The following DTWD2 variants were observed in gnomAD, a reference collection of about 807,000 sequenced individuals.
DTWD2 encodes tRNA-uridine aminocarboxypropyltransferase 2.
Under a neutral mutation model 31.8 loss-of-function variants are expected in DTWD2, and 39 were observed. The observed-to-expected ratio is 1.22, with a 90% confidence interval of 0.95 to 1.60. The LOEUF (loss-of-function observed/expected upper bound fraction) is 1.60. Ranked by LOEUF, DTWD2 falls within the 40% of genes most tolerant of loss-of-function variation. DTWD2 has a pLI of 0.00. For synonymous variants in DTWD2, 180 were observed against 142.8 expected (o/e 1.26, Z -1.86); for missense variants, 515 against 381.5 (o/e 1.35, Z -2.92).
chr5:118,940,646 A>G (rs1004569801), intron 2 of DTWD2, among the ~76,000 whole-genome samples: 8 of 152,182 alleles, frequency 5.3e-5, no homozygotes, highest in African/African-American at 1.7e-4. Context: ...GTACAATACA[A>G]AGAGAGAGAG....
intron 1 of DTWD2, among the ~76,000 whole-genome samples, chr5:118,958,336 T>A (rs895008000): frequency 6.6e-6 from 1 of 151,948 alleles, no homozygotes; most frequent in African/African-American, 2.4e-5. Flanking sequence ...CAGGTGCCTG[T>A]AGTCCCAGCT....
intron 5 of DTWD2, among the ~76,000 whole-genome samples, chr5:118,843,371 G>GAGGAAGGGAGGAAGGAAGGAAGGA (rs754423234): frequency 0.16 from 22,368 of 143,148 alleles, 1,794 homozygotes; most frequent in Non-Finnish European, 0.19. Flanking sequence ...GGGAGGAAGG[G>GAGGAAGGGAGGAAGGAAGGAAGGA]AGGAAGGAAG....
chr5:118,932,213 C>T (rs1256402379), intron 3 of DTWD2, among the ~76,000 whole-genome samples: 2 of 151,380 alleles, frequency 1.3e-5, no homozygotes, highest in Admixed American at 6.6e-5. Context: ...TAGATAGGGC[C>T]ATGCATTGTG....
rs1429506295 is a variant in DTWD2 at position 118,841,203 on chromosome 5, A to C, written c.727-116T>G. ...TTTCTTTTATTATGATTGGCTTTTA[A>C]CTATGAGAAACACTAGGCACTCTGA... On this transcript the variant is annotated intron_variant, in intron 5 of 5. Transcript: ENST00000510708. The C allele has an allele frequency of 8.1e-6, 9 of 1,111,936 alleles. No homozygotes were observed. The East Asian group carries it at 2.4e-4, about 29-fold the overall frequency. 68.9% of individuals were successfully genotyped at this position (1,111,936 alleles called of 1,614,324 possible).
intron 4 of DTWD2, among the ~76,000 whole-genome samples, chr5:118,898,376 G>A (rs1160659758): frequency 6.6e-6 from 1 of 151,842 alleles, no homozygotes; most frequent in African/African-American, 2.4e-5. Flanking sequence ...TAAATTTTAT[G>A]GCCGAGCACA....
intron 4 of DTWD2, among the ~76,000 whole-genome samples, chr5:118,851,218 CAAAAAAA>C (rs35541408): frequency 2.4e-5 from 2 of 81,968 alleles, no homozygotes; most frequent in South Asian, 4.0e-4. Flanking sequence ...GACCCTATCT[CAAAAAAA>C]AAAAAAAAAA....
At chr5:118,959,536 T>C (rs1754662058) in intron 1 of DTWD2, among the ~76,000 whole-genome samples, 1 of 152,184 alleles carries the variant, frequency 6.6e-6, no homozygotes. Flanking sequence ...CAAAGCAATG[T>C]ACAGATTCAA....
chr5:118,873,738 C>G (rs568355818), intron 4 of DTWD2, among the ~76,000 whole-genome samples: 3 of 152,284 alleles, frequency 2.0e-5, no homozygotes, highest in East Asian at 3.9e-4. Flanking sequence ...AACAAGGAAT[C>G]CTCCCACAAC....
intron 4 of DTWD2, among the ~76,000 whole-genome samples, chr5:118,900,591 C>G (rs1182678149): frequency 6.6e-6 from 1 of 152,102 alleles, no homozygotes; most frequent in Non-Finnish European, 1.5e-5. Context: ...GACTGGATAA[C>G]AGAGCTAATA....
chr5:118,886,552 G>T (rs1752872587), intron 4 of DTWD2, among the ~76,000 whole-genome samples: 1 of 152,196 alleles, frequency 6.6e-6, no homozygotes, highest in Non-Finnish European at 1.5e-5. Context: ...TACAGGGAAT[G>T]GCAGGTAAAG....
chr5:118,886,610 A>T (rs1330341613), intron 4 of DTWD2, among the ~76,000 whole-genome samples: 3 of 152,224 alleles, frequency 2.0e-5, no homozygotes, highest in Non-Finnish European at 4.4e-5. Flanking sequence ...TACAGAGTCT[A>T]TTATTAATGA....
chr5:118,969,283 AAGG>A (rs1302351770), intron 1 of DTWD2, among the ~76,000 whole-genome samples: 10 of 152,124 alleles, frequency 6.6e-5, no homozygotes, highest in Non-Finnish European at 1.3e-4. Context: ...CAGTCTGTAC[AAGG>A]AGGATTCCCC....
intron 4 of DTWD2, among the ~76,000 whole-genome samples, chr5:118,896,583 A>G (rs984176017): frequency 1.3e-5 from 2 of 152,230 alleles, no homozygotes; most frequent in Non-Finnish European, 2.9e-5. Flanking sequence ...AGAATGAAAA[A>G]TAAATTCCTT....
chr5:118,916,417 G>A (rs1753578432), intron 4 of DTWD2, among the ~76,000 whole-genome samples: 1 of 152,146 alleles, frequency 6.6e-6, no homozygotes. Flanking sequence ...TGTGATCCCA[G>A]CACTTTGGGA....
At chr5:118,884,171 T>C (rs893049490) in intron 4 of DTWD2, among the ~76,000 whole-genome samples, 1 of 152,216 alleles carries the variant, frequency 6.6e-6, no homozygotes. Context: ...TTGAGAGTAA[T>C]GTATACTTCT....
At chr5:118,889,339 G>C (rs1400744248) in intron 4 of DTWD2, among the ~76,000 whole-genome samples, 1 of 151,948 alleles carries the variant, frequency 6.6e-6, no homozygotes, top group Non-Finnish European at 1.5e-5. Context: ...AAATAAACTG[G>C]AAAAACAAAT....
intron 1 of DTWD2, among the ~76,000 whole-genome samples, chr5:118,956,478 T>G (rs970348505): frequency 3.3e-5 from 5 of 152,212 alleles, no homozygotes; most frequent in African/African-American, 1.2e-4. Flanking sequence ...AAAGGTAATG[T>G]GTATCACTCT....
At chr5:118,980,713 T>C (rs1266778384) in intron 1 of DTWD2, among the ~76,000 whole-genome samples, 1 of 152,252 alleles carries the variant, frequency 6.6e-6, no homozygotes, top group African/African-American at 2.4e-5. Flanking sequence ...GGTGGGAATG[T>C]AGGTGGTGCA....
At chr5:118,856,351 T>A (rs1347965588) in intron 4 of DTWD2, among the ~76,000 whole-genome samples, 1 of 152,246 alleles carries the variant, frequency 6.6e-6, no homozygotes, top group Admixed American at 6.5e-5. Context: ...TTATTTTATG[T>A]CTATCTTACA....
Sources: gnomAD v4.1 joint callset for allele counts (sites outside exome capture counted in the v4.1 genomes callset) on GRCh38, gnomAD v4.1.1 for gene constraint, MANE v1.5 for transcripts, NCBI Gene and HGNC (gene_info 2026-07-23, HGNC 2026-07-21) for gene names.